The following SNAP91 variants were observed in gnomAD, a reference collection of about 807,000 sequenced individuals.
SNAP91 encodes synaptosome associated protein 91.
A neutral mutation model predicts 100.3 loss-of-function variants in SNAP91; 27 were observed. The ratio of observed to expected loss-of-function variants is 0.27; its 90% CI spans 0.20 to 0.37. The LOEUF is 0.37. SNAP91 is among the 10% of genes least tolerant of loss of function. The pLI is 1.00. For synonymous variants in SNAP91, 404 were observed against 398.6 expected (o/e 1.01, Z -0.16); for missense variants, 986 against 1,123.7 (o/e 0.88, Z 1.75).
intron 22 of SNAP91, among the ~76,000 whole-genome samples, chr6:83,586,442 G>A (rs2092648673): frequency 6.6e-6 from 1 of 152,166 alleles, no homozygotes; most frequent in Admixed American, 6.5e-5. Flanking sequence ...CAGATTTATA[G>A]TGCAGTCACC....
chr6:83,663,758 G>A (rs1426536088), intron 3 of SNAP91, among the ~76,000 whole-genome samples: 1 of 152,172 alleles, frequency 6.6e-6, no homozygotes. Flanking sequence ...GATAATTCAT[G>A]AAGGTGGCTA....
At chr6:83,669,390 C>T (rs576841850) in intron 2 of SNAP91, among the ~76,000 whole-genome samples, 3 of 151,762 alleles carry the variant, frequency 2.0e-5, no homozygotes, top group East Asian at 3.9e-4. Context: ...GATCTAAATG[C>T]TATGTATAGG....
chr6:83,568,750 A>T (rs1314233179), intron 26 of SNAP91, among the ~76,000 whole-genome samples: 2 of 152,212 alleles, frequency 1.3e-5, no homozygotes, highest in African/African-American at 4.8e-5. Context: ...TTATCTATCA[A>T]TAAAAACTTT....
Position 83,573,642 on chromosome 6 carries a change from A to C in SNAP91, c.2442+1368T>G, listed in dbSNP as rs530477529. On this transcript the variant is annotated intron_variant, in intron 26 of 29. Transcript: ENST00000369694. ...GAACAGAACAGAGCCCTCAGAACTAATGCCACATATCTACAACTATCTGAT... is the reference window on the plus strand; with the variant it reads ...GAACAGAACAGAGCCCTCAGAACTACTGCCACATATCTACAACTATCTGAT... 6.6e-5 allele frequency among the ~76,000 whole-genome samples: 10 copies of C among 152,326 alleles called. No homozygotes were observed. In the East Asian group the frequency reaches 1.9e-3, roughly 29 times the overall value.
At chr6:83,591,577 C>A (rs1464642066) in intron 21 of SNAP91, among the ~76,000 whole-genome samples, 1 of 151,656 alleles carries the variant, frequency 6.6e-6, no homozygotes, top group Non-Finnish European at 1.5e-5. Context: ...TGTCATCTGT[C>A]AAAACAGAAG....
intron 4 of SNAP91, 34 bp downstream of exon 4, chr6:83,662,313 T>C (rs1399782812): frequency 1.0e-5 from 11 of 1,076,412 alleles, no homozygotes; most frequent in African/African-American, 1.6e-5. Flanking sequence ...AATCAAAGCA[T>C]TGGCAAAAAA....
chr6:83,635,246 C>A (rs2097382726), intron 8 of SNAP91, among the ~76,000 whole-genome samples: 1 of 152,046 alleles, frequency 6.6e-6, no homozygotes, highest in Non-Finnish European at 1.5e-5. Flanking sequence ...GTGATGAACT[C>A]CCTCATTATT....
chr6:83,628,986 T>C lies in SNAP91; in HGVS notation c.766-5644A>G, dbSNP rs150835595. On this transcript the variant is annotated intron_variant, in intron 8 of 29. Coordinates refer to ENST00000369694, the MANE Select transcript of SNAP91 (RefSeq NM_001242792.2). ...TTCCAATGTTATCTTCTAGAATTTT[T>C]ACAGTTTCAGATCTTAGATTTAAGT... Among the ~76,000 whole-genome samples the C allele has an allele frequency of 8.2e-3, 1,246 of 152,340 alleles. 14 individuals carry two copies. The highest frequency in any genetic ancestry group is 0.028 in the African/African-American group (1,157 of 41,576).
At chr6:83,610,507 A>T in intron 12 of SNAP91, 143 bp downstream of exon 12, 1 of 214,196 alleles carries the variant, frequency 4.7e-6, no homozygotes. Flanking sequence ...TTTGAAAGAT[A>T]AAAAAAAAAG....
intron 8 of SNAP91, among the ~76,000 whole-genome samples, chr6:83,629,314 C>G (rs1360870014): frequency 1.3e-5 from 2 of 152,108 alleles, no homozygotes; most frequent in Non-Finnish European, 2.9e-5. Context: ...CAGATTTGTT[C>G]TTTTTGCTTA....
chr6:83,683,755 G>C (rs1010025126), intron 2 of SNAP91, among the ~76,000 whole-genome samples: 1 of 152,124 alleles, frequency 6.6e-6, no homozygotes, highest in Non-Finnish European at 1.5e-5. Context: ...GTCTAAGATG[G>C]ATCAGTAAGA....
At chr6:83,679,668 G>A (rs1759559484) in intron 2 of SNAP91, among the ~76,000 whole-genome samples, 1 of 152,166 alleles carries the variant, frequency 6.6e-6, no homozygotes, top group African/African-American at 2.4e-5. Context: ...ATAGCTTGGG[G>A]TCGCGAGGAA....
Position 83,708,872 on chromosome 6 carries a change from C to T in SNAP91, c.-58G>A, listed in dbSNP as rs926450394. 9 of 152,128 alleles carry T rather than the reference C, an allele frequency of 5.9e-5. No homozygotes were observed. The highest frequency in any genetic ancestry group is 2.2e-4 in the African/African-American group (9 of 41,434). 9.4% of individuals were successfully genotyped at this position (152,128 alleles called of 1,614,324 possible). A position where few individuals can be genotyped will look rare whatever the true frequency, so the allele number is the denominator to read the frequency against. On this transcript the variant is annotated 5_prime_UTR_variant, in exon 1 of 30. Transcript: ENST00000369694. The stretch of plus-strand genomic sequence containing the variant: ...CGCCCCTGAGCGGCGCCGCCCGCCG[C>T]AGGATGAGCGGAGCCCGGGCCGCCG...
chr6:83,623,402 T>C (rs1562390506), intron 8 of SNAP91, 60 bp from the exon 9 acceptor site: 1 of 1,224,314 alleles, frequency 8.2e-7, no homozygotes, highest in Non-Finnish European at 1.2e-6. Context: ...TTTCATTTAA[T>C]GGAAGATCAC....
chr6:83,636,834 T>C (rs2097473319), intron 8 of SNAP91, among the ~76,000 whole-genome samples: 1 of 152,188 alleles, frequency 6.6e-6, no homozygotes, highest in African/African-American at 2.4e-5. Flanking sequence ...GGATAGGGCT[T>C]TTTGTTTTTA....
At chr6:83,636,967 T>C (rs1222100762) in intron 8 of SNAP91, among the ~76,000 whole-genome samples, 1 of 152,196 alleles carries the variant, frequency 6.6e-6, no homozygotes, top group Non-Finnish European at 1.5e-5. Flanking sequence ...GATGGGCTCC[T>C]GTGGTGCATT....
At chr6:83,659,127 T>C (rs758115377) in intron 5 of SNAP91, 35 bp from the exon 6 acceptor site, 4 of 1,454,454 alleles carry the variant, frequency 2.8e-6, no homozygotes, top group East Asian at 2.4e-5. Flanking sequence ...TACAATTTCA[T>C]TGGATATGGA....
intron 7 of SNAP91, among the ~76,000 whole-genome samples, chr6:83,651,004 AGGAGTT>A (rs906027923): frequency 2.0e-5 from 3 of 152,202 alleles, no homozygotes; most frequent in African/African-American, 7.2e-5. Flanking sequence ...GTATCTTTCA[AGGAGTT>A]GGTCCATTTC....
At chr6:83,605,902 AT>A in intron 13 of SNAP91, 99 bp from the exon 14 acceptor site, 1 of 1,012,966 alleles carries the variant, frequency 9.9e-7, no homozygotes. Flanking sequence ...GATTTTAGGT[AT>A]TTTAAATCCA....
Sources: allele counts gnomAD v4.1 joint callset (sites outside exome capture counted in the v4.1 genomes callset), GRCh38; gene constraint gnomAD v4.1.1; transcripts MANE v1.5; gene names NCBI Gene and HGNC (gene_info 2026-07-23, HGNC 2026-07-21).